Variants in LINGO2 observed in about 807,000 individuals in gnomAD.
The protein encoded by LINGO2 is leucine-rich repeat and immunoglobulin-like domain-containing nogo receptor-interacting protein 2.
LINGO2 carries 14 observed loss-of-function variants against 30.6 expected under a neutral mutation model. That is an observed-to-expected ratio of 0.46 (90% confidence interval 0.30 to 0.72). LINGO2 has a LOEUF of 0.72. LINGO2 is among the 30% of genes least tolerant of loss of function. LINGO2 has a pLI of 0.07. For missense variants in LINGO2, 729 were observed against 751.7 expected (o/e 0.97, Z 0.35); for synonymous variants, 317 against 288.5 (o/e 1.10, Z -1.00).
intron 3 of LINGO2, among the ~76,000 whole-genome samples, chr9:28,306,433 G>T (rs1450164471): frequency 6.6e-6 from 1 of 152,128 alleles, no homozygotes; most frequent in South Asian, 2.1e-4. Flanking sequence ...AAAACAGTGT[G>T]TAGAGGGAAA....
At chr9:28,141,869 G>A (rs1260341892) in intron 4 of LINGO2, among the ~76,000 whole-genome samples, 2 of 152,120 alleles carry the variant, frequency 1.3e-5, no homozygotes, top group Admixed American at 6.5e-5. Context: ...CCGAGATCGC[G>A]CCATTGCACT....
upstream of LINGO2, among the ~76,000 whole-genome samples, chr9:28,671,430 A>C (rs1337670979): frequency 6.6e-6 from 1 of 151,828 alleles, no homozygotes; most frequent in Non-Finnish European, 1.5e-5. Flanking sequence ...ACATATCAAC[A>C]CAAAATTCTA....
intron 2 of LINGO2, among the ~76,000 whole-genome samples, chr9:28,445,960 C>A (rs2135044309): frequency 6.6e-6 from 1 of 152,268 alleles, no homozygotes; most frequent in Admixed American, 6.5e-5. Flanking sequence ...ATAATTAATT[C>A]TCCTGATCTG....
the LINGO2 span, among the ~76,000 whole-genome samples, chr9:28,887,460 G>C: frequency 6.6e-6 from 1 of 151,756 alleles, no homozygotes; most frequent in Non-Finnish European, 1.5e-5. Context: ...CCAGTAATTT[G>C]TTACTAATAT....
intron 2 of LINGO2, among the ~76,000 whole-genome samples, chr9:28,401,122 T>A (rs1262517249): frequency 6.6e-6 from 1 of 152,170 alleles, no homozygotes; most frequent in Non-Finnish European, 1.5e-5. Flanking sequence ...GAAAGACATG[T>A]AGTGACAAAA....
At chr9:29,016,388 C>G in the LINGO2 span, among the ~76,000 whole-genome samples, 1 of 152,136 alleles carries the variant, frequency 6.6e-6, no homozygotes, top group South Asian at 2.1e-4. Flanking sequence ...CAAGTGACTG[C>G]TTGTGGGCTT....
intron 4 of LINGO2, among the ~76,000 whole-genome samples, chr9:28,258,675 A>G (rs1344908918): frequency 6.6e-6 from 1 of 151,986 alleles, no homozygotes; most frequent in East Asian, 1.9e-4. Context: ...GTTTAGAAAT[A>G]AATCTGAATT....
chr9:29,027,766 A>T, the LINGO2 span, among the ~76,000 whole-genome samples: 142 of 152,304 alleles, frequency 9.3e-4, no homozygotes, highest in African/African-American at 3.2e-3. Context: ...ATTTGAGTTC[A>T]AACTCTGCTT....
chr9:28,493,607 C>T (rs867832913), intron 1 of LINGO2, among the ~76,000 whole-genome samples: 1 of 152,008 alleles, frequency 6.6e-6, no homozygotes, highest in African/African-American at 2.4e-5. Flanking sequence ...TAACAAAAAT[C>T]TAATAAAATT....
the LINGO2 span, among the ~76,000 whole-genome samples, chr9:28,974,000 A>G: frequency 2.0e-5 from 3 of 152,240 alleles, no homozygotes; most frequent in Non-Finnish European, 4.4e-5. Context: ...ACAAAATATT[A>G]TAACACTGTA....
At chr9:28,813,275 C>A in the LINGO2 span, among the ~76,000 whole-genome samples, 1 of 152,056 alleles carries the variant, frequency 6.6e-6, no homozygotes, top group Non-Finnish European at 1.5e-5. Context: ...TCAGTACCAA[C>A]CCTATACATG....
intron 2 of LINGO2, among the ~76,000 whole-genome samples, chr9:28,400,144 C>A (rs1202891406): frequency 6.6e-6 from 1 of 152,106 alleles, no homozygotes; most frequent in African/African-American, 2.4e-5. Flanking sequence ...CCCTTTGGCA[C>A]CGGAAAGACC....
At chr9:28,428,665 T>G (rs1823517659) in intron 2 of LINGO2, among the ~76,000 whole-genome samples, 2 of 152,110 alleles carry the variant, frequency 1.3e-5, no homozygotes, top group Non-Finnish European at 2.9e-5. Flanking sequence ...TGACTCTGCT[T>G]TTCATCAGTA....
At chr9:28,011,105 T>C (rs1316586652) in intron 5 of LINGO2, among the ~76,000 whole-genome samples, 2 of 152,158 alleles carry the variant, frequency 1.3e-5, no homozygotes, top group Non-Finnish European at 2.9e-5. Flanking sequence ...GTCAGTCAAC[T>C]GGTCTAGGGA....
chr9:28,824,840 C>G, the LINGO2 span, among the ~76,000 whole-genome samples: 1 of 152,170 alleles, frequency 6.6e-6, no homozygotes, highest in African/African-American at 2.4e-5. Flanking sequence ...TCTAAAGTCA[C>G]AAGACTGGTG....
At chr9:28,532,144 T>C (rs1027815573) in intron 1 of LINGO2, among the ~76,000 whole-genome samples, 5 of 152,162 alleles carry the variant, frequency 3.3e-5, no homozygotes, top group African/African-American at 4.8e-5. Context: ...GAAGCCATTA[T>C]GATTTTTAAC....
At chr9:28,431,520 A>G (rs1008654350) in intron 2 of LINGO2, among the ~76,000 whole-genome samples, 1 of 152,208 alleles carries the variant, frequency 6.6e-6, no homozygotes, top group Non-Finnish European at 1.5e-5. Context: ...TTTAGTCAAG[A>G]TTGAAATTAT....
intron 2 of LINGO2, among the ~76,000 whole-genome samples, chr9:28,410,557 G>A (rs1173089983): frequency 6.6e-6 from 1 of 152,086 alleles, no homozygotes; most frequent in Non-Finnish European, 1.5e-5. Context: ...GAGATTTCCT[G>A]TGACTTAAGT....
chr9:28,055,645 T>A (rs142469760), intron 4 of LINGO2, among the ~76,000 whole-genome samples: 1 of 151,482 alleles, frequency 6.6e-6, no homozygotes, highest in African/African-American at 2.4e-5. Context: ...GTCTTGCTAT[T>A]AAGTTTGTTA....
Sources: allele counts gnomAD v4.1 joint callset (sites outside exome capture counted in the v4.1 genomes callset), GRCh38; gene constraint gnomAD v4.1.1; transcripts MANE v1.5; gene names NCBI Gene and HGNC (gene_info 2026-07-23, HGNC 2026-07-21).